Variants in CSMD1 observed in about 807,000 individuals in gnomAD.
CSMD1 encodes the protein CUB and Sushi multiple domains 1, also known as CUB and sushi domain-containing protein 1.
A neutral mutation model predicts 417.5 loss-of-function variants in CSMD1; 213 were observed. The ratio of observed to expected loss-of-function variants is 0.51; its 90% confidence interval spans 0.46 to 0.57. CSMD1 has a LOEUF of 0.57. Among genes scored for constraint, CSMD1 ranks in the 20% least tolerant of loss-of-function variants. The probability of loss-of-function intolerance (pLI) is 0.00; values close to 1 mark genes in which losing one functional copy is unlikely to be tolerated. For synonymous variants in CSMD1, 2,862 were observed against 1,736.8 expected, an observed-to-expected ratio of 1.65 and a Z score of -16.11; for missense variants, 6,923 against 4,529.7, an observed-to-expected ratio of 1.53 and a Z score of -15.17.
intron 49 of CSMD1, among the ~76,000 whole-genome samples, chr8:3,066,209 T>G (rs895849495): frequency 4.6e-5 from 7 of 152,220 alleles, no homozygotes; most frequent in African/African-American, 1.4e-4. Flanking sequence ...CTTCATTAAC[T>G]TTTCTACTAC....
chr8:3,929,208 T>C (rs971872611), intron 5 of CSMD1, among the ~76,000 whole-genome samples: 3 of 150,502 alleles, frequency 2.0e-5, no homozygotes, highest in African/African-American at 7.3e-5. Context: ...CCTCTGCACA[T>C]GGTTTCTCTT....
intron 39 of CSMD1, among the ~76,000 whole-genome samples, chr8:3,155,019 G>A (rs184443039): frequency 9.9e-5 from 15 of 152,280 alleles, no homozygotes; most frequent in Admixed American, 9.2e-4. Context: ...TGTATACCCT[G>A]TAAAGAATTA....
At chr8:4,217,273 C>G (rs570408304) in intron 3 of CSMD1, among the ~76,000 whole-genome samples, 3 of 152,274 alleles carry the variant, frequency 2.0e-5, no homozygotes, top group South Asian at 4.1e-4. Flanking sequence ...TTGCAGAAGT[C>G]TTTCATATAA....
intron 2 of CSMD1, among the ~76,000 whole-genome samples, chr8:4,565,000 A>G (rs934111172): frequency 1.3e-5 from 2 of 152,188 alleles, no homozygotes; most frequent in Non-Finnish European, 1.5e-5. Flanking sequence ...CCTTGGAGTT[A>G]CTGTAATGAT....
chr8:4,684,149 T>C (rs1001827933), intron 1 of CSMD1, among the ~76,000 whole-genome samples: 27 of 152,194 alleles, frequency 1.8e-4, no homozygotes, highest in African/African-American at 6.0e-4. Context: ...CACACGTCAA[T>C]AGACAAGGAA....
rs114534139 is a variant in CSMD1 at position 4,162,017 on chromosome 8, G to A, written c.416-129918C>T. The stretch of plus-strand genomic sequence containing the variant: ...GCCTTTGACTAACCATTCTGTATTT[G>A]CCTTCGACTTTGCTAAACTAAGCAA... On this transcript the variant is annotated intron_variant, in intron 3 of 69. Transcript: ENST00000635120. Among the ~76,000 whole-genome samples, 1,296 of 152,112 alleles carry A rather than the reference G, an allele frequency of 8.5e-3. 22 individuals carry two copies. The highest frequency in any genetic ancestry group is 0.03 in the African/African-American group (1,239 of 41,452).
At chr8:3,617,100 T>C (rs908741828) in intron 7 of CSMD1, among the ~76,000 whole-genome samples, 2 of 152,160 alleles carry the variant, frequency 1.3e-5, no homozygotes, top group African/African-American at 4.8e-5. Context: ...CAGGTCACAA[T>C]TAACAGCATG....
chr8:4,343,975 T>C (rs1024811136), intron 3 of CSMD1, among the ~76,000 whole-genome samples: 2 of 152,182 alleles, frequency 1.3e-5, no homozygotes, highest in Non-Finnish European at 2.9e-5. Context: ...CAATAAATTC[T>C]AGTAAAGCCA....
chr8:3,894,348 G>T (rs115803150), intron 5 of CSMD1, among the ~76,000 whole-genome samples: 2,089 of 152,122 alleles, frequency 0.014, 43 homozygotes, highest in African/African-American at 0.047. Flanking sequence ...TTTCTATCAC[G>T]AGGATTAAAT....
intron 1 of CSMD1, among the ~76,000 whole-genome samples, chr8:4,849,663 G>C (rs976851012): frequency 6.6e-6 from 1 of 152,026 alleles, no homozygotes; most frequent in East Asian, 1.9e-4. Flanking sequence ...TATTATAGTT[G>C]TCCATATTAT....
chr8:3,664,931 T>G (rs1798606228), intron 7 of CSMD1, among the ~76,000 whole-genome samples: 1 of 152,170 alleles, frequency 6.6e-6, no homozygotes, highest in East Asian at 1.9e-4. Flanking sequence ...TTTCATTTTG[T>G]CTCTGTGCGT....
In CSMD1 at chr8:3,538,132, T is replaced by A. The variant is rs998941558; in HGVS notation, c.1344+36813A>T. ...AGTTTATAAACCAAACGATTGCACA[T>A]GGACTTCTAGATTTACATCTTTACT... On this transcript the variant is annotated intron_variant, in intron 10 of 69. Transcript: ENST00000635120. Among the ~76,000 whole-genome samples, 2 of 152,232 alleles carry A rather than the reference T, an allele frequency of 1.3e-5. 1 individual carries two copies. The highest frequency in any genetic ancestry group is 4.1e-4 in the South Asian group (2 of 4,836).
At chr8:4,405,341 A>G (rs183554252) in intron 3 of CSMD1, among the ~76,000 whole-genome samples, 1 of 152,058 alleles carries the variant, frequency 6.6e-6, no homozygotes, top group South Asian at 2.1e-4. Context: ...TTTTCTTCTC[A>G]ATTTCCTAAG....
chr8:3,176,286 T>C (rs77219774), intron 37 of CSMD1, among the ~76,000 whole-genome samples: 2,804 of 152,278 alleles, frequency 0.018, 91 homozygotes, highest in African/African-American at 0.064. Context: ...TAATAATTAA[T>C]CTTTAATGAG....
chr8:3,531,724 A>AC (rs1797988777), intron 10 of CSMD1, among the ~76,000 whole-genome samples: 1 of 152,180 alleles, frequency 6.6e-6, no homozygotes. Flanking sequence ...ACACAAAAAA[A>AC]CCCCAAGAAA....
At chr8:4,196,652 T>C (rs1320115720) in intron 3 of CSMD1, among the ~76,000 whole-genome samples, 1 of 152,204 alleles carries the variant, frequency 6.6e-6, no homozygotes, top group Admixed American at 6.5e-5. Context: ...CATTGAATCT[T>C]TGTGACCCAT....
chr8:4,504,863 T>A (rs1802441528), intron 2 of CSMD1, among the ~76,000 whole-genome samples: 1 of 152,230 alleles, frequency 6.6e-6, no homozygotes, highest in South Asian at 2.1e-4. Flanking sequence ...GTGCCATATT[T>A]TCTCTATCCA....
chr8:4,051,256 C>A, intron 3 of CSMD1, among the ~76,000 whole-genome samples: 1 of 149,614 alleles, frequency 6.7e-6, no homozygotes, highest in Admixed American at 6.6e-5. Context: ...TCCTGGATTT[C>A]TTCAACAGTT....
At chr8:4,836,835 A>T (rs1399176027) in intron 1 of CSMD1, among the ~76,000 whole-genome samples, 4 of 152,098 alleles carry the variant, frequency 2.6e-5, no homozygotes, top group Non-Finnish European at 4.4e-5. Context: ...AGAAAAAAAA[A>T]AGTAGACGCT....
Sources: allele counts gnomAD v4.1 joint callset (sites outside exome capture counted in the v4.1 genomes callset), GRCh38; gene constraint gnomAD v4.1.1; transcripts MANE v1.5; gene names NCBI Gene and HGNC (gene_info 2026-07-23, HGNC 2026-07-21).